The following SSBP3 variants were observed in gnomAD, a reference collection of about 807,000 sequenced individuals.
The protein encoded by SSBP3 is single stranded DNA binding protein 3, also known as single-stranded DNA-binding protein 3.
Under a neutral mutation model 69.6 loss-of-function variants are expected in SSBP3, and 5 were observed. That is an observed-to-expected ratio of 0.07 (90% CI 0.04 to 0.15). The LOEUF (loss-of-function observed/expected upper bound fraction) is 0.15, where lower values mean the gene tolerates loss of function less well. Ranked by LOEUF, SSBP3 falls within the 10% of genes least tolerant of loss-of-function variation. SSBP3 has a pLI of 1.00. For synonymous variants in SSBP3, 196 were observed against 193.4 expected (o/e 1.01, Z -0.11); for missense variants, 312 against 534.0 (o/e 0.58, Z 4.10).
intron 4 of SSBP3, among the ~76,000 whole-genome samples, chr1:54,282,639 G>A (rs1397790075): frequency 6.6e-6 from 1 of 152,190 alleles, no homozygotes; most frequent in Non-Finnish European, 1.5e-5. Context: ...CACACAGGCG[G>A]GGCGGGGCGA....
chr1:54,378,054 G>A (rs998536894), intron 4 of SSBP3, among the ~76,000 whole-genome samples: 1 of 151,952 alleles, frequency 6.6e-6, no homozygotes, highest in African/African-American at 2.4e-5. Flanking sequence ...ACCTCTACAG[G>A]CCCCGGTCCC....
At chr1:54,350,843 C>T (rs1021799058) in intron 4 of SSBP3, among the ~76,000 whole-genome samples, 15 of 148,508 alleles carry the variant, frequency 1.0e-4, no homozygotes, top group Non-Finnish European at 1.9e-4. Context: ...TTCTCAGATG[C>T]TTTTTTTTTT....
chr1:54,345,164 G>A (rs1379519740), intron 4 of SSBP3, among the ~76,000 whole-genome samples: 1 of 152,142 alleles, frequency 6.6e-6, no homozygotes, highest in Non-Finnish European at 1.5e-5. Context: ...CTCTCTGCTC[G>A]GATGGGAAAC....
intron 16 of SSBP3, 37 bp downstream of exon 16, chr1:54,228,412 G>T (rs1347646508): frequency 6.2e-7 from 1 of 1,614,106 alleles, no homozygotes; most frequent in Non-Finnish European, 8.5e-7. Flanking sequence ...TGCCCACACA[G>T]ATGGGGCGCC....
At position 54,392,460 on chromosome 1, in the gene SSBP3, C is replaced by T. The variant is rs114484484; in HGVS notation, c.276+9401G>A. Among the ~76,000 whole-genome samples the T allele has an allele frequency of 7.1e-3, 1,085 of 152,336 alleles. 7 individuals carry two copies. The highest frequency in any genetic ancestry group is 0.041 in the Middle Eastern group (12 of 294). On this transcript the variant is annotated intron_variant, in intron 4 of 17. Coordinates refer to ENST00000610401, the Ensembl canonical transcript of SSBP3. ...CATACTTTTATATGCACACATAAAT[C>T]ACTGAAAACAGACATTTCCAGAAAC...
At chr1:54,276,608 CAAAAAAA>C (rs746933473) in intron 5 of SSBP3, among the ~76,000 whole-genome samples, 6 of 35,224 alleles carry the variant, frequency 1.7e-4, no homozygotes, top group African/African-American at 7.5e-4. Context: ...GACTCTGTCT[CAAAAAAA>C]AAAAAAAAAA....
At chr1:54,404,714 A>G in intron 2 of SSBP3, 77 bp from the exon 3 acceptor site, 2 of 1,528,528 alleles carry the variant, frequency 1.3e-6, no homozygotes, top group Non-Finnish European at 1.8e-6. Context: ...CCAAAAGGCT[A>G]GGAAGACCAA....
intron 4 of SSBP3, among the ~76,000 whole-genome samples, chr1:54,317,845 A>G (rs893970192): frequency 9.9e-5 from 15 of 152,146 alleles, no homozygotes; most frequent in African/African-American, 3.4e-4. Flanking sequence ...GGCTCACTGC[A>G]ATCTCCACCT....
chr1:54,404,403 TC>T (rs1391238036), intron 3 of SSBP3, among the ~76,000 whole-genome samples, 172 bp downstream of exon 3: 1 of 152,210 alleles, frequency 6.6e-6, no homozygotes, highest in Non-Finnish European at 1.5e-5. Flanking sequence ...AACATCCTCT[TC>T]CGCCCTTCTC....
chr1:54,243,472 G>A (rs1260138306), intron 9 of SSBP3, 173 bp from the exon 10 acceptor site: 2 of 718,378 alleles, frequency 2.8e-6, no homozygotes, highest in African/African-American at 1.7e-5. Flanking sequence ...CAAGTCACAG[G>A]GACCACAATG....
At chr1:54,375,086 G>A (rs1176448886) in intron 4 of SSBP3, among the ~76,000 whole-genome samples, 2 of 152,144 alleles carry the variant, frequency 1.3e-5, no homozygotes. Flanking sequence ...CCCTGCACAT[G>A]CTACCCGTCT....
chr1:54,328,009 A>G (rs1646340740), intron 4 of SSBP3, among the ~76,000 whole-genome samples: 1 of 152,248 alleles, frequency 6.6e-6, no homozygotes, highest in Non-Finnish European at 1.5e-5. Context: ...AATAAAGCTC[A>G]TGATAAATGT....
Position 54,235,448 on chromosome 1 carries a change from A to ATTTT in SSBP3, c.927+3677_927+3680dup, listed in dbSNP as rs71580002. ...AGGCGTGTACCACCATGCCCGGCTG[A>ATTTT]TTTTTTTTTTTTTTTTTTTTTTTTT... On this transcript the variant is annotated intron_variant, in intron 14 of 17. Coordinates refer to ENST00000610401, the Ensembl canonical transcript of SSBP3. Among the ~76,000 whole-genome samples the ATTTT allele has an allele frequency of 6.0e-4, 42 of 69,920 alleles. 2 individuals carry two copies. In the South Asian group the frequency reaches 0.011, roughly 18 times the overall value. The allele number at this position is 69,920 out of a possible 152,430, so 45.9% of individuals were successfully genotyped here.
intron 5 of SSBP3, among the ~76,000 whole-genome samples, chr1:54,259,720 G>T (rs1253158623): frequency 1.3e-5 from 2 of 152,218 alleles, no homozygotes; most frequent in Non-Finnish European, 2.9e-5. Context: ...GAAGAGGTGT[G>T]CAGAGAACAT....
intron 5 of SSBP3, among the ~76,000 whole-genome samples, chr1:54,274,194 G>T (rs75894329): frequency 0.043 from 6,572 of 152,268 alleles, 512 homozygotes; most frequent in African/African-American, 0.15. Context: ...TTTCCCCACA[G>T]ACAGGCAGTT....
chr1:54,280,728 G>A lies in SSBP3; in HGVS notation c.366+710C>T, dbSNP rs1332379932. Among the ~76,000 whole-genome samples, 9 of 152,328 alleles carry A rather than the reference G, an allele frequency of 5.9e-5. No homozygotes were observed. The East Asian group carries it at 1.7e-3, about 29-fold the overall frequency. ...GGAGAAGGTAGAGACAGAGGAGGCG[G>A]CGCAGAGAGGGTGGCAGCCGCGCCC... On this transcript the variant is annotated intron_variant, in intron 5 of 17. Coordinates refer to ENST00000610401, the Ensembl canonical transcript of SSBP3.
chr1:54,312,310 C>G (rs1260315737), intron 4 of SSBP3, among the ~76,000 whole-genome samples: 1 of 151,464 alleles, frequency 6.6e-6, no homozygotes, highest in Non-Finnish European at 1.5e-5. Context: ...AAAAAAGAGG[C>G]CGGACAAGGT....
At chr1:54,289,611 G>A (rs986588409) in intron 4 of SSBP3, among the ~76,000 whole-genome samples, 1 of 152,170 alleles carries the variant, frequency 6.6e-6, no homozygotes, top group Admixed American at 6.5e-5. Context: ...CGGGGATTAG[G>A]GGGATCAGGG....
intron 7 of SSBP3, among the ~76,000 whole-genome samples, chr1:54,253,383 G>A (rs551620632): frequency 1.3e-5 from 2 of 151,590 alleles, no homozygotes; most frequent in South Asian, 4.2e-4. Context: ...GTATTGATGG[G>A]GTCTCACTAT....
Sources: allele counts gnomAD v4.1 joint callset (sites outside exome capture counted in the v4.1 genomes callset), GRCh38; gene constraint gnomAD v4.1.1; transcripts MANE v1.5; gene names NCBI Gene and HGNC (gene_info 2026-07-23, HGNC 2026-07-21).